Variants in OTUD7A observed in about 807,000 individuals in gnomAD.
OTUD7A encodes OTU domain-containing protein 7A.
A neutral mutation model predicts 65.7 loss-of-function variants in OTUD7A; 12 were observed. The observed-to-expected ratio is 0.18, with a 90% CI of 0.12 to 0.30. OTUD7A has a LOEUF of 0.30. Among genes scored for constraint, OTUD7A ranks in the 10% least tolerant of loss-of-function variants. The pLI, the probability that OTUD7A is intolerant of heterozygous loss-of-function variation, is 1.00. For synonymous variants in OTUD7A, 641 were observed against 586.3 expected, an observed-to-expected ratio of 1.09 and a Z score of -1.35; for missense variants, 1,148 against 1,304.8, an observed-to-expected ratio of 0.88 and a Z score of 1.85.
chr15:31,718,927 A>G (rs1482528353), intron 1 of OTUD7A, among the ~76,000 whole-genome samples: 2 of 150,086 alleles, frequency 1.3e-5, no homozygotes, highest in East Asian at 1.9e-4. Flanking sequence ...AACTGTGTAA[A>G]CCCTCTGACT....
rs566783369 is a variant in OTUD7A at position 31,776,971 on chromosome 15, A to G, written c.-100+93536T>C. ...AATAATAAAAAAATGCTAAAAAGTA[A>G]TCTAACTCTAAAAAAAAAAAATGGA... On this transcript the variant is annotated intron_variant, in intron 1 of 12. Coordinates refer to ENST00000307050, the MANE Select transcript of OTUD7A (RefSeq NM_001382637.1). 5.4e-4 allele frequency among the ~76,000 whole-genome samples: 82 copies of G among 151,922 alleles called. 3 individuals carry two copies. In the South Asian group the frequency reaches 0.016, roughly 30 times the overall value.
chr15:31,484,004 C>T lies in OTUD7A; in HGVS notation c.2092G>A (p.Ala698Thr). The T allele has an allele frequency of 9.0e-7, 1 of 1,107,460 alleles. No individual in the cohort carries two copies. The highest frequency in any genetic ancestry group is 1.1e-6 in the Non-Finnish European group (1 of 929,560). The allele number at this position is 1,107,460 out of a possible 1,614,324, so 68.6% of individuals were successfully genotyped here. A position where few individuals can be genotyped will look rare whatever the true frequency, so the allele number is the denominator to read the frequency against. Residue 698 changes from alanine to threonine, a missense_variant, in exon 13 of 13, where the codon GCC (alanine) becomes ACC (threonine). Physicochemically the swap from Ala to Thr is moderately conservative, Grantham distance 58. Transcript: ENST00000307050. This position sits in a 1 kb window ranked among gnomAD's most constrained non-coding sequence, Gnocchi z 4.5. ...AAAAAAAAATAKRPPRRPETE... is the reference protein window; with the variant it reads ...AAAAAAAAATTKRPPRRPETE... ...TCCGGTCTGCGCGGCGGCCGCTTGGCCGTGGCGGCGGCGGCGGCGGCGGCA... is the reference window on the plus strand; with the variant it reads ...TCCGGTCTGCGCGGCGGCCGCTTGGTCGTGGCGGCGGCGGCGGCGGCGGCA...
At chr15:31,582,233 T>A (rs1442918843) in intron 3 of OTUD7A, among the ~76,000 whole-genome samples, 1 of 152,222 alleles carries the variant, frequency 6.6e-6, no homozygotes, top group Non-Finnish European at 1.5e-5. Flanking sequence ...GCCTGAACTT[T>A]ATGGTCCATA....
intron 10 of OTUD7A, among the ~76,000 whole-genome samples, chr15:31,489,956 C>A (rs983292706): frequency 3.3e-5 from 5 of 152,244 alleles, no homozygotes; most frequent in African/African-American, 1.2e-4. Context: ...GGGCCAGGTA[C>A]TGAGAGGCTC....
intron 3 of OTUD7A, among the ~76,000 whole-genome samples, chr15:31,600,678 G>C (rs565118347): frequency 9.2e-5 from 14 of 152,146 alleles, no homozygotes; most frequent in Non-Finnish European, 2.1e-4. Flanking sequence ...ATTGGATAAA[G>C]AGTCAAGACC....
chr15:31,763,561 G>C (rs889594483), intron 1 of OTUD7A, among the ~76,000 whole-genome samples: 2 of 152,082 alleles, frequency 1.3e-5, no homozygotes, highest in African/African-American at 4.8e-5. Context: ...TCAAAAGGTT[G>C]AACATTTGTG....
intron 1 of OTUD7A, among the ~76,000 whole-genome samples, chr15:31,689,690 C>A (rs1223426334): frequency 6.6e-6 from 1 of 152,134 alleles, no homozygotes. Context: ...ACGATCCCAC[C>A]CTTTAATTTT....
At position 31,731,503 on chromosome 15, in the gene OTUD7A, A is replaced by T. The variant is rs537197626; in HGVS notation, c.-99-74426T>A. On this transcript the variant is annotated intron_variant, in intron 1 of 12. Transcript: ENST00000307050. Reference sequence around the variant, plus strand: ...ATGACTGACATGTTGGAAGAGGCAAAATCACAGGGACAGTAAAATGATCAG... The same window carrying T: ...ATGACTGACATGTTGGAAGAGGCAATATCACAGGGACAGTAAAATGATCAG... Among the ~76,000 whole-genome samples, 39 of 152,348 alleles carry T rather than the reference A, an allele frequency of 2.6e-4. No individual in the cohort carries two copies. In the South Asian group the frequency reaches 4.1e-3, roughly 16 times the overall value.
chr15:31,661,398 C>CTAG (rs1892161002), intron 1 of OTUD7A, among the ~76,000 whole-genome samples: 1 of 152,154 alleles, frequency 6.6e-6, no homozygotes, highest in African/African-American at 2.4e-5. Flanking sequence ...ATTCCAGTCT[C>CTAG]TCTACTCTTG....
intron 5 of OTUD7A, among the ~76,000 whole-genome samples, chr15:31,552,199 CT>C (rs1391174410): frequency 1.3e-5 from 2 of 152,194 alleles, no homozygotes; most frequent in Non-Finnish European, 2.9e-5. Flanking sequence ...TTCCTGAAGC[CT>C]TCACCAGAAG....
chr15:31,643,985 C>A (rs376480480), intron 3 of OTUD7A, among the ~76,000 whole-genome samples: 1 of 152,158 alleles, frequency 6.6e-6, no homozygotes, highest in African/African-American at 2.4e-5. Context: ...CTTGCAGCTG[C>A]ACAGACAGAA....
At chr15:31,768,319 A>G in intron 1 of OTUD7A, 1 of 629,256 alleles carries the variant, frequency 1.6e-6, no homozygotes, top group Non-Finnish European at 2.9e-6. Context: ...TGTATAGCAT[A>G]GAGGGCTGCG....
chr15:31,864,676 T>C (rs1311994130), intron 1 of OTUD7A, among the ~76,000 whole-genome samples: 1 of 151,914 alleles, frequency 6.6e-6, no homozygotes, highest in Non-Finnish European at 1.5e-5. Context: ...ACAGCCAAAC[T>C]ATATCATGGC....
intron 1 of OTUD7A, among the ~76,000 whole-genome samples, chr15:31,824,189 C>G (rs1444848166): frequency 6.6e-6 from 1 of 152,210 alleles, no homozygotes; most frequent in African/African-American, 2.4e-5. Context: ...GCTCAGGACA[C>G]TGAAGCCTGC....
At chr15:31,548,520 T>A (rs1888210500) in intron 5 of OTUD7A, among the ~76,000 whole-genome samples, 1 of 152,120 alleles carries the variant, frequency 6.6e-6, no homozygotes, top group South Asian at 2.1e-4. Context: ...TGAGGACATT[T>A]CACAGCCAGG....
chr15:31,535,674 G>GTTTTTTTTT (rs55826357), intron 5 of OTUD7A, among the ~76,000 whole-genome samples: 1 of 111,998 alleles, frequency 8.9e-6, no homozygotes, highest in East Asian at 2.4e-4. Context: ...TTCTGTTTTT[G>GTTTTTTTTT]TTTTTTTTTT....
chr15:31,570,753 G>A (rs1034467849), intron 3 of OTUD7A, among the ~76,000 whole-genome samples: 2 of 152,128 alleles, frequency 1.3e-5, no homozygotes, highest in African/African-American at 4.8e-5. Flanking sequence ...ATGCCAGGCT[G>A]GGCAGGTGTG....
At position 31,483,220 on chromosome 15, in the gene OTUD7A, T is replaced by TA; in HGVS notation, c.*73dup. 1.9e-6 allele frequency: 2 copies of TA among 1,043,798 alleles called. No individual in the cohort carries two copies. Among genetic ancestry groups the TA allele is most frequent in the Non-Finnish European group, 2.3e-6 (2 of 868,690 alleles). The allele number at this position is 1,043,798 out of a possible 1,614,324, so 64.7% of individuals were successfully genotyped here. ...CGGCCTTCCGGTGGACCAGGGCATG[T>TA]AAAAAAGACACCGACACAATGGAAA... On this transcript the variant is annotated 3_prime_UTR_variant, in exon 13 of 13. Coordinates refer to ENST00000307050, the MANE Select transcript of OTUD7A (RefSeq NM_001382637.1).
intron 1 of OTUD7A, among the ~76,000 whole-genome samples, chr15:31,659,033 GAATGAATGAATA>G (rs1298017274): frequency 5.3e-5 from 6 of 113,848 alleles, no homozygotes; most frequent in South Asian, 2.6e-4. Context: ...ATGAATGAAT[GAATGAATGAATA>G]AATAAATAAA....
Sources: allele counts gnomAD v4.1 joint callset (sites outside exome capture counted in the v4.1 genomes callset), GRCh38; gene constraint gnomAD v4.1.1; non-coding constraint Gnocchi (gnomAD v3.1); transcripts MANE v1.5; gene names NCBI Gene and HGNC (gene_info 2026-07-23, HGNC 2026-07-21).